Variants in GRK3 observed in about 807,000 individuals in gnomAD.
The protein encoded by GRK3 is G protein-coupled receptor kinase 3, also known as adrenergic, beta, receptor kinase 2.
A neutral mutation model predicts 95.7 loss-of-function variants in GRK3; 54 were observed. The ratio of observed to expected loss-of-function variants is 0.56; its 90% CI spans 0.45 to 0.71. GRK3 has a LOEUF of 0.71. Ranked by LOEUF, GRK3 falls within the 30% of genes least tolerant of loss-of-function variation. The probability of loss-of-function intolerance (pLI) is 0.00; values close to 1 mark genes in which losing one functional copy is unlikely to be tolerated. For synonymous variants in GRK3, 281 were observed against 290.8 expected, an observed-to-expected ratio of 0.97 and a Z score of 0.34; for missense variants, 649 against 851.2, an observed-to-expected ratio of 0.76 and a Z score of 2.96.
chr22:25,586,397 G>A (rs1932305310), intron 1 of GRK3, among the ~76,000 whole-genome samples: 1 of 152,288 alleles, frequency 6.6e-6, no homozygotes, highest in Non-Finnish European at 1.5e-5. Flanking sequence ...GAGGAGAAAT[G>A]CTGGAGGGGT....
chr22:25,678,786 A>G (rs770447748), intron 8 of GRK3, 30 bp from the exon 9 acceptor site: 7 of 1,351,628 alleles, frequency 5.2e-6, no homozygotes, highest in Non-Finnish European at 6.3e-6. Flanking sequence ...TATTTACGGC[A>G]TAGATTTTTC....
intron 1 of GRK3, among the ~76,000 whole-genome samples, chr22:25,600,146 G>T (rs146876685): frequency 0.019 from 2,865 of 150,678 alleles, 92 homozygotes; most frequent in African/African-American, 0.066. Flanking sequence ...ATATCTGCAG[G>T]GTTTTTTTTT....
chr22:25,646,718 T>A (rs1164781674), intron 3 of GRK3, among the ~76,000 whole-genome samples: 1 of 151,912 alleles, frequency 6.6e-6, no homozygotes, highest in Non-Finnish European at 1.5e-5. Flanking sequence ...TTAAGAAAAA[T>A]GATTTTTAAA....
At chr22:25,601,151 C>T (rs983576112) in intron 1 of GRK3, among the ~76,000 whole-genome samples, 4 of 152,216 alleles carry the variant, frequency 2.6e-5, no homozygotes, top group Admixed American at 2.0e-4. Flanking sequence ...GCAACACTAT[C>T]AACCAACTTG....
intron 15 of GRK3, among the ~76,000 whole-genome samples, chr22:25,705,963 C>CTTCACAA (rs1262111279): frequency 6.6e-6 from 1 of 152,154 alleles, no homozygotes; most frequent in Non-Finnish European, 1.5e-5. Flanking sequence ...CCCTTGTGCT[C>CTTCACAA]GGAGACTCGT....
chr22:25,671,118 C>G (rs2084978440), intron 6 of GRK3, among the ~76,000 whole-genome samples: 1 of 151,834 alleles, frequency 6.6e-6, no homozygotes, highest in African/African-American at 2.4e-5. Flanking sequence ...CTTTGGGAGG[C>G]TGAGGCGGGC....
chr22:25,714,353 C>T, intron 17 of GRK3, 55 bp from the exon 18 acceptor site: 3 of 1,536,942 alleles, frequency 2.0e-6, no homozygotes, highest in Non-Finnish European at 2.7e-6. Context: ...GCCGCGGACT[C>T]TTACCTTTGT....
intron 19 of GRK3, among the ~76,000 whole-genome samples, chr22:25,720,526 G>C: frequency 7.0e-6 from 1 of 142,882 alleles, no homozygotes. Context: ...GCCCAGGCTG[G>C]AGTGCAGTGG....
At chr22:25,654,895 T>G (rs2084859041) in intron 3 of GRK3, among the ~76,000 whole-genome samples, 1 of 152,130 alleles carries the variant, frequency 6.6e-6, no homozygotes, top group Admixed American at 6.5e-5. Context: ...TGGGTCTGGC[T>G]CATCAGATGA....
intron 2 of GRK3, among the ~76,000 whole-genome samples, chr22:25,616,662 G>A (rs1470831095): frequency 1.3e-5 from 2 of 152,212 alleles, no homozygotes; most frequent in Non-Finnish European, 2.9e-5. Flanking sequence ...GGTTGCCGTG[G>A]AAGTAGAGAG....
intron 16 of GRK3, among the ~76,000 whole-genome samples, chr22:25,710,341 T>G (rs902226627): frequency 2.0e-5 from 3 of 152,228 alleles, no homozygotes; most frequent in Non-Finnish European, 4.4e-5. Flanking sequence ...TGTGACTGTA[T>G]TTTTACATAG....
At chr22:25,636,792 A>G (rs2084705008) in intron 2 of GRK3, among the ~76,000 whole-genome samples, 1 of 152,186 alleles carries the variant, frequency 6.6e-6, no homozygotes, top group Non-Finnish European at 1.5e-5. Context: ...GAATGTATAT[A>G]TATAGAATTA....
intron 3 of GRK3, among the ~76,000 whole-genome samples, chr22:25,658,211 T>A (rs1865155622): frequency 6.6e-6 from 1 of 152,220 alleles, no homozygotes; most frequent in African/African-American, 2.4e-5. Context: ...TGCATATGGG[T>A]CACATTTTCT....
rs1161526904 is a variant in GRK3, at chr22:25,660,388, TATG to T, written c.265-1187_265-1185del. Among the ~76,000 whole-genome samples the T allele has an allele frequency of 2.0e-5, 3 of 152,288 alleles. No individual in the cohort carries two copies. In the East Asian group the frequency reaches 5.8e-4, roughly 29 times the overall value. ...CAGCCTTCCCCAGTCTGCCTGCCTTTATGTCAGGTTTTATTGTCTTCTTCAAGA... is the reference window on the plus strand; with the variant it reads ...CAGCCTTCCCCAGTCTGCCTGCCTTTTCAGGTTTTATTGTCTTCTTCAAGA... On this transcript the variant is annotated intron_variant, in intron 3 of 20. Coordinates refer to ENST00000324198, the MANE Select transcript of GRK3 (RefSeq NM_005160.4).
At chr22:25,623,506 G>GT (rs2084602706) in intron 2 of GRK3, among the ~76,000 whole-genome samples, 1 of 152,136 alleles carries the variant, frequency 6.6e-6, no homozygotes. Context: ...CAGTTCTGTG[G>GT]TTTCGTTTCA....
At position 25,726,396 on chromosome 22, in the gene GRK3, G is replaced by A. The variant is rs547095018; in HGVS notation, c.*3946G>A. On this transcript the variant is annotated 3_prime_UTR_variant, in exon 21 of 21. Coordinates refer to ENST00000324198, the MANE Select transcript of GRK3 (RefSeq NM_005160.4). ...TTTGAAATGTGCTGGTGTAAGATAA[G>A]AGTTATCTTGTATGATTTAATCATA... 2.6e-5 allele frequency: 4 copies of A among 152,322 alleles called. No individual in the cohort carries two copies. The highest frequency in any genetic ancestry group is 9.6e-5 in the African/African-American group (4 of 41,568). The allele number at this position is 152,322 out of a possible 1,614,324, so 9.4% of individuals were successfully genotyped here.
At chr22:25,687,506 G>C in intron 10 of GRK3, 31 bp from the exon 11 acceptor site, 2 of 1,609,566 alleles carry the variant, frequency 1.2e-6, no homozygotes, top group African/African-American at 2.7e-5. Context: ...AAATTAACAT[G>C]CTTTGAATTA....
At chr22:25,591,132 C>T (rs1275803498) in intron 1 of GRK3, among the ~76,000 whole-genome samples, 1 of 152,168 alleles carries the variant, frequency 6.6e-6, no homozygotes, top group Non-Finnish European at 1.5e-5. Flanking sequence ...CACAAATTCA[C>T]GGGCTCCCAT....
At chr22:25,609,630 C>G (rs1394871349) in intron 2 of GRK3, among the ~76,000 whole-genome samples, 1 of 151,996 alleles carries the variant, frequency 6.6e-6, no homozygotes, top group Non-Finnish European at 1.5e-5. Context: ...GTGCCCAGCC[C>G]CCAAATCGAT....
Sources: gnomAD v4.1 joint callset for allele counts (sites outside exome capture counted in the v4.1 genomes callset) on GRCh38, gnomAD v4.1.1 for gene constraint, MANE v1.5 for transcripts, NCBI Gene and HGNC (gene_info 2026-07-23, HGNC 2026-07-21) for gene names.